EXOC7: variants seen among roughly 807,000 people sequenced by gnomAD.
EXOC7 encodes exocyst complex component Exo70.
A neutral mutation model predicts 87.6 loss-of-function variants in EXOC7; 51 were observed. The observed-to-expected ratio is 0.58, with a 90% CI of 0.46 to 0.73. The LOEUF (loss-of-function observed/expected upper bound fraction) is 0.73, where lower values mean the gene tolerates loss of function less well. Among genes scored for constraint, EXOC7 ranks in the 30% least tolerant of loss-of-function variants. The pLI is 0.00. For missense variants in EXOC7, 744 were observed against 888.4 expected, an observed-to-expected ratio of 0.84 and a Z score of 2.07; for synonymous variants, 327 against 357.1, an observed-to-expected ratio of 0.92 and a Z score of 0.95.
In EXOC7 at chr17:76,088,843, G is replaced by A. The variant is rs775976767; in HGVS notation, c.1128C>T (p.Ser376=). 1.2e-5 allele frequency: 19 copies of A among 1,613,922 alleles called. No homozygotes were observed. Among genetic ancestry groups the A allele is most frequent in the Non-Finnish European group, 1.6e-5 (19 of 1,180,034 alleles). The stretch of plus-strand genomic sequence containing the variant: ...GGATGGGGAAGACGGTGAGCACCGT[G>A]GAGAAGTCGTGTCGCACAATGGCCT... ...ARKAIVRHDF[S]TVLTVFPILR... is the part of the protein sequence containing the mutation. The change falls in exon 9 of 19, where the codon TCC becomes TCT. Residue 376 remains serine (S), a synonymous_variant. Transcript: ENST00000589210.
Position 76,103,764 on chromosome 17 carries a change from A to C in EXOC7, c.-72T>G. On this transcript the variant is annotated 5_prime_UTR_variant, in exon 1 of 19. Transcript: ENST00000589210. The stretch of plus-strand genomic sequence containing the variant: ...GGCCCACCGGGCCCCCGTCCCCGTC[A>C]CACCCACTTCCGCTCTTGGTCCCGC... The C allele has an allele frequency of 3.3e-6, 5 of 1,506,454 alleles. No homozygotes were observed. In the Admixed American group the frequency reaches 6.1e-5, roughly 18 times the overall value. 93.3% of individuals were successfully genotyped at this position (1,506,454 alleles called of 1,614,324 possible).
rs528041639 is a variant in EXOC7, at chr17:76,103,306, G to A, written c.126+55C>T. ...GGAACCGGAACCGCCAGGTCGCAAG[G>A]CTCTCCCCCAGGGTCCGGAGGCCTG... On this transcript the variant is annotated intron_variant, in intron 2 of 18. Transcript: ENST00000589210. 20 of 1,515,954 alleles carry A rather than the reference G, an allele frequency of 1.3e-5. 1 individual carries two copies. In the South Asian group the frequency reaches 2.4e-4, roughly 18 times the overall value. The allele number at this position is 1,515,954 out of a possible 1,614,324, so 93.9% of individuals were successfully genotyped here. A position where few individuals can be genotyped will look rare whatever the true frequency, so the allele number is the denominator to read the frequency against.
intron 4 of EXOC7, 66 bp downstream of exon 4, chr17:76,101,205 C>G: frequency 6.2e-7 from 1 of 1,613,620 alleles, no homozygotes; most frequent in Non-Finnish European, 8.5e-7. Flanking sequence ...GGCTCCATGT[C>G]CCTCATGAGA....
intron 6 of EXOC7, 43 bp from the exon 7 acceptor site, chr17:76,091,278 A>C: frequency 6.4e-7 from 1 of 1,573,740 alleles, no homozygotes; most frequent in Non-Finnish European, 8.7e-7. Context: ...AAGACCTAGG[A>C]AATGAGTGAG....
rs373025810 is a variant in EXOC7, at chr17:76,082,457, C to T, written c.*1191G>A. Reference sequence around the variant, plus strand: ...ACAGCTCCTTTCCCTGTATCTCTCCCCACAGAGCCCTCCAGAGGAGTAAAG... The same window carrying T: ...ACAGCTCCTTTCCCTGTATCTCTCCTCACAGAGCCCTCCAGAGGAGTAAAG... On this transcript the variant is annotated 3_prime_UTR_variant, in exon 19 of 19. Coordinates refer to ENST00000589210, the MANE Select transcript of EXOC7 (RefSeq NM_001013839.4). 7.2e-5 allele frequency: 115 copies of T among 1,602,502 alleles called. No homozygotes were observed. Among genetic ancestry groups the T allele is most frequent in the East Asian group, 1.1e-4 (5 of 44,714 alleles).
intron 7 of EXOC7, 199 bp downstream of exon 7, chr17:76,090,944 C>T: frequency 1.6e-6 from 1 of 613,360 alleles, no homozygotes; most frequent in Non-Finnish European, 2.9e-6. Flanking sequence ...GAGCTGCCAT[C>T]AGCCAGAGAG....
chr17:76,094,237 T>TG, intron 6 of EXOC7, 177 bp downstream of exon 6: 3 of 604,664 alleles, frequency 5.0e-6, no homozygotes, highest in Non-Finnish European at 2.8e-6. Context: ...GTCTTGCTCT[T>TG]GGGGGGCTTC....
rs368755853 is a variant in EXOC7, at chr17:76,091,390, G to A, written c.809-155C>T. 4.9e-4 allele frequency: 299 copies of A among 613,694 alleles called. 1 individual carries two copies. The highest frequency in any genetic ancestry group is 1.4e-3 in the South Asian group (70 of 51,360). 38.0% of individuals were successfully genotyped at this position (613,694 alleles called of 1,614,324 possible). ...AGACCACCAGAGACGCTGGGGACAA[G>A]GATGAAGGAAAGGAGTCATTTCCTT... On this transcript the variant is annotated intron_variant, in intron 6 of 18. Coordinates refer to ENST00000589210, the MANE Select transcript of EXOC7 (RefSeq NM_001013839.4).
In EXOC7 at chr17:76,097,868, G is replaced by A; in HGVS notation, c.568C>T (p.His190Tyr). ...TCCTGGAGCACGCTCTCGGGCAGGTGCTCCAGGGTCACGTCCTCCTGGGCC... is the reference window on the plus strand; with the variant it reads ...TCCTGGAGCACGCTCTCGGGCAGGTACTCCAGGGTCACGTCCTCCTGGGCC... ...LEAQEDVTLE[H>Y]LPESVLQDVI... Residue 190 changes from histidine (H) to tyrosine (Y), a missense_variant, in exon 5 of 19, where the codon CAC becomes TAC. His to Tyr is a moderately conservative substitution (Grantham distance 83). This residue lies in a region of EXOC7 where 512 missense variants were observed against 573.0 expected (regional missense o/e 0.89). Coordinates refer to ENST00000589210, the MANE Select transcript of EXOC7 (RefSeq NM_001013839.4). 1.2e-6 allele frequency: 2 copies of A among 1,614,096 alleles called. No homozygotes were observed. The highest frequency in any genetic ancestry group is 2.2e-5 in the East Asian group (1 of 44,882).
Position 76,094,508 on chromosome 17 carries a change from G to A in EXOC7, c.714C>T (p.Phe238=). The change falls in exon 6 of 19, where the codon TTC becomes TTT. Residue 238 remains phenylalanine, a synonymous_variant. Coordinates refer to ENST00000589210, the MANE Select transcript of EXOC7 (RefSeq NM_001013839.4). ...CCCCAGAGGAAGAACTGCTCTTATGGAAATGCTCCTTCAGTCCTTTGATGG... is the reference window on the plus strand; with the variant it reads ...CCCCAGAGGAAGAACTGCTCTTATGAAAATGCTCCTTCAGTCCTTTGATGG... ...DRSIKGLKEH[F]HKSSSSSGVP... The A allele has an allele frequency of 6.2e-7, 1 of 1,614,086 alleles. No homozygotes were observed. Among genetic ancestry groups the A allele is most frequent in the Non-Finnish European group, 8.5e-7 (1 of 1,180,012 alleles).
chr17:76,084,033 T>C lies in EXOC7; in HGVS notation c.1925A>G (p.Lys642Arg), dbSNP rs1276154443. The C allele has an allele frequency of 6.2e-7, 1 of 1,602,954 alleles. No homozygotes were observed. The highest frequency in any genetic ancestry group is 8.5e-7 in the Non-Finnish European group (1 of 1,175,828). Reference sequence around the variant, plus strand: ...CTGTAGAAAGGCCCCGTAGGTCTCCTTGACAATGGTCTTCTGGGCCTGGCG... The same window carrying C: ...CTGTAGAAAGGCCCCGTAGGTCTCCCTGACAATGGTCTTCTGGGCCTGGCG... ...RIRQAQKTIV[K>R]ETYGAFLQKF... The change falls in exon 18 of 19, where the codon AAG (lysine) becomes AGG (arginine). Residue 642 changes from lysine (K) to arginine (R), a missense_variant. Coordinates refer to ENST00000589210, the MANE Select transcript of EXOC7 (RefSeq NM_001013839.4).
At chr17:76,099,697 G>C (rs1029098623) in intron 4 of EXOC7, among the ~76,000 whole-genome samples, 1 of 152,198 alleles carries the variant, frequency 6.6e-6, no homozygotes, top group Non-Finnish European at 1.5e-5. Context: ...ATTTATATTA[G>C]AAATTCAGAA....
In EXOC7 at chr17:76,095,331, C is replaced by T. The variant is rs181077737; in HGVS notation, c.641-750G>A. Among the ~76,000 whole-genome samples the T allele has an allele frequency of 7.8e-3, 1,155 of 147,586 alleles. 18 individuals are homozygous for T. Among genetic ancestry groups the T allele is most frequent in the African/African-American group, 0.027 (1,081 of 39,774 alleles). ...TCATCCAGGCTGGAATACAATGGCA[C>T]GATCTTGGCTCACTGCAACCTCTGC... On this transcript the variant is annotated intron_variant, in intron 5 of 18. Coordinates refer to ENST00000589210, the MANE Select transcript of EXOC7 (RefSeq NM_001013839.4).
rs756578267 is a variant in EXOC7, at chr17:76,082,530, C to T, written c.*1118G>A. On this transcript the variant is annotated 3_prime_UTR_variant, in exon 19 of 19. Coordinates refer to ENST00000589210, the MANE Select transcript of EXOC7 (RefSeq NM_001013839.4). ...AGACTGCTGACCGCATCTTCTTCCT[C>T]GTGTATGTGGTTGGGGTGCTGTGCA... The T allele has an allele frequency of 1.1e-5, 18 of 1,613,752 alleles. No individual in the cohort carries two copies. Among genetic ancestry groups the T allele is most frequent in the East Asian group, 4.5e-5 (2 of 44,890 alleles).
At chr17:76,097,147 T>C (rs1391380136) in intron 5 of EXOC7, among the ~76,000 whole-genome samples, 3 of 152,196 alleles carry the variant, frequency 2.0e-5, no homozygotes, top group Admixed American at 6.5e-5. Flanking sequence ...GCACCTGGCA[T>C]AAATAAACCT....
chr17:76,091,181 T>C lies in EXOC7; in HGVS notation c.863A>G (p.Asp288Gly). The change falls in exon 7 of 19, where the codon GAT (aspartate) becomes GGT (glycine). Residue 288 changes from aspartate to glycine, a missense_variant. By Grantham distance (94) the Asp-to-Gly change is moderately conservative. Transcript: ENST00000589210. The part of the protein sequence containing the change: ...LLKQYSQHGL[D>G]GKKGGSNLIP... The stretch of plus-strand genomic sequence containing the variant: ...GAGGTTAGAGCCCCCCTTTTTCCCA[T>C]CTAGACCATGCTGGGAATACTGTTT... The C allele has an allele frequency of 1.2e-6, 2 of 1,614,120 alleles. No individual in the cohort carries two copies. Among genetic ancestry groups the C allele is most frequent in the African/African-American group, 1.3e-5 (1 of 75,034 alleles).
Position 76,103,642 on chromosome 17 carries a change from C to T in EXOC7, c.51G>A (p.Lys17=), listed in dbSNP as rs747845989. The change falls in exon 1 of 19, where the codon AAG becomes AAA. Residue 17 remains lysine (K), a synonymous_variant. Coordinates refer to ENST00000589210, the MANE Select transcript of EXOC7 (RefSeq NM_001013839.4). ...CCAGGCCCACGCCCACCTGCTTCAG[C>T]TTGTCCTCAATCTCCCGCCGTCGAG... is the stretch of plus-strand genomic sequence containing the variant. ...ASARRREIED[K]LKQEEETLSF... 1 of 1,613,704 alleles carries T rather than the reference C, an allele frequency of 6.2e-7. No homozygotes were observed.
Position 76,103,700 on chromosome 17 carries a change from A to C in EXOC7, c.-8T>G. On this transcript the variant is annotated 5_prime_UTR_variant, in exon 1 of 19. Transcript: ENST00000589210. ...CTCCTGTGGGGGAATCATCGCTCTG[A>C]ACCCCGCGGCTCCCACTCCCCAGTA... is the stretch of plus-strand genomic sequence containing the variant. 1 of 1,604,436 alleles carries C rather than the reference A, an allele frequency of 6.2e-7. No individual in the cohort carries two copies. The highest frequency in any genetic ancestry group is 1.1e-5 in the South Asian group (1 of 89,270).
chr17:76,103,292 CG>C, intron 2 of EXOC7, 68 bp downstream of exon 2: 1 of 1,453,512 alleles, frequency 6.9e-7, no homozygotes. Context: ...GAACCGGAAC[CG>C]CCAGGTCGCA....
Sources: gnomAD v4.1 joint callset for allele counts (sites outside exome capture counted in the v4.1 genomes callset) on GRCh38, gnomAD v4.1.1 for gene constraint, gnomAD v4.1.1 regional missense constraint, MANE v1.5 for transcripts, NCBI Gene and HGNC (gene_info 2026-07-23, HGNC 2026-07-21) for gene names.